Variants in ANKEF1 observed in about 807,000 individuals in gnomAD.
The protein encoded by ANKEF1 is ankyrin repeat and EF-hand domain-containing protein 1.
ANKEF1 carries 43 observed loss-of-function variants against 65.1 expected under a neutral mutation model. The observed-to-expected ratio is 0.66, with a 90% CI of 0.52 to 0.85. The LOEUF (loss-of-function observed/expected upper bound fraction) is 0.85, where lower values mean the gene tolerates loss of function less well. Ranked by LOEUF, ANKEF1 falls within the 40% of genes least tolerant of loss-of-function variation. ANKEF1 has a pLI of 0.00. For missense variants in ANKEF1, 934 were observed against 952.9 expected (o/e 0.98, Z 0.26); for synonymous variants, 316 against 341.5 (o/e 0.93, Z 0.82).
Position 10,056,477 on chromosome 20 carries a change from T to TAGATAGATGATA in ANKEF1, c.*817_*818insAGATAGATGATA, listed in dbSNP as rs1555773740. 3 of 134,552 alleles carry TAGATAGATGATA rather than the reference T, an allele frequency of 2.2e-5. No homozygotes were observed. Among genetic ancestry groups the TAGATAGATGATA allele is most frequent in the African/African-American group, 8.8e-5 (3 of 34,190 alleles). The allele number at this position is 134,552 out of a possible 1,614,324, so 8.3% of individuals were successfully genotyped here. A position where few individuals can be genotyped will look rare whatever the true frequency, so the allele number is the denominator to read the frequency against. On this transcript the variant is annotated 3_prime_UTR_variant, in exon 11 of 11. Transcript: ENST00000378392. ...GATATATAGATGATAGATAGATAGA[T>TAGATAGATGATA]GATAGATAGATAGATAGATGATAGA...
chr20:10,047,122 T>C (rs567376992), intron 6 of ANKEF1, among the ~76,000 whole-genome samples: 73 of 152,346 alleles, frequency 4.8e-4, no homozygotes, highest in Non-Finnish European at 9.8e-4. Flanking sequence ...TTATTTCTTA[T>C]TGGGACAAAT....
rs538860183 is a variant in ANKEF1, at chr20:10,056,018, A to G, written c.*358A>G. On this transcript the variant is annotated 3_prime_UTR_variant, in exon 11 of 11. Transcript: ENST00000378392. ...TATTAAATAGAGACAGAGTCTCACT[A>G]TATTGCCCCAGCTGGTCTCGAACTC... 4.6e-4 allele frequency: 78 copies of G among 170,220 alleles called. 1 individual carries two copies. In the South Asian group the frequency reaches 0.01, roughly 23 times the overall value. The allele number at this position is 170,220 out of a possible 1,614,324, so 10.5% of individuals were successfully genotyped here.
chr20:10,039,940 A>C (rs1211308312), intron 3 of ANKEF1, among the ~76,000 whole-genome samples: 3 of 152,198 alleles, frequency 2.0e-5, no homozygotes, highest in African/African-American at 7.2e-5. Context: ...ACTGAGTTTG[A>C]AACAGATACA....
chr20:10,042,794 G>A (rs641648), intron 3 of ANKEF1, among the ~76,000 whole-genome samples: 68,613 of 151,984 alleles, frequency 0.45, 16,519 homozygotes, highest in African/African-American at 0.58. Context: ...ACACATAGCT[G>A]TAGCCCTTCA....
At chr20:10,047,069 C>A (rs139095213) in intron 6 of ANKEF1, among the ~76,000 whole-genome samples, 8 of 152,262 alleles carry the variant, frequency 5.3e-5, no homozygotes, top group African/African-American at 1.9e-4. Flanking sequence ...AACTAAAGAT[C>A]CACTCAAGTT....
rs1984876275 is a variant in ANKEF1 at position 10,051,836 on chromosome 20, C to T, written c.1817C>T (p.Thr606Ile). 1 of 1,613,310 alleles carries T rather than the reference C, an allele frequency of 6.2e-7. No individual in the cohort carries two copies. Among genetic ancestry groups the T allele is most frequent in the East Asian group, 2.2e-5 (1 of 44,844 alleles). Residue 606 changes from threonine (T) to isoleucine (I), a missense_variant, in exon 8 of 11, where the codon ACA becomes ATA. Transcript: ENST00000378392. ...NRAIESCRLDTVKYLLDIGAK... is the reference protein window; with the variant it reads ...NRAIESCRLDIVKYLLDIGAK... ...GCCATTGAAAGCTGCAGACTGGATA[C>T]AGTAAAATACCTACTTGATATTGGT...
rs201768005 is a variant in ANKEF1, at chr20:10,054,595, G to C, written c.2168G>C (p.Arg723Pro). The C allele has an allele frequency of 1.2e-6, 2 of 1,605,540 alleles. No homozygotes were observed. Among genetic ancestry groups the C allele is most frequent in the Middle Eastern group, 1.7e-4 (1 of 6,036 alleles). The change falls in exon 10 of 11, where the codon CGG (arginine) becomes CCG (proline). Residue 723 changes from arginine to proline, a missense_variant. Arg to Pro is a moderately radical substitution (Grantham distance 103). Transcript: ENST00000378392. Reference sequence around the variant, plus strand: ...AAAGTGGATATCACATTTATTCCACGGAGGGTAAGTGCTTCGAAAAGATCT... The same window carrying C: ...AAAGTGGATATCACATTTATTCCACCGAGGGTAAGTGCTTCGAAAAGATCT... ...TKKVDITFIP[R>P]RIWSPEATTA...
At chr20:10,040,551 A>C (rs1182717787) in intron 3 of ANKEF1, 2 of 152,226 alleles carry the variant, frequency 1.3e-5, no homozygotes, top group Non-Finnish European at 1.5e-5. Context: ...ATGTGGAATC[A>C]TTCTCCTTAA....
At chr20:10,037,402 G>A (rs1983924804) in intron 2 of ANKEF1, among the ~76,000 whole-genome samples, 1 of 152,110 alleles carries the variant, frequency 6.6e-6, no homozygotes, top group Admixed American at 6.6e-5. Context: ...TCATAGTTCT[G>A]GATGATGGGC....
intron 3 of ANKEF1, among the ~76,000 whole-genome samples, chr20:10,040,888 T>C (rs1984145656): frequency 6.6e-6 from 1 of 152,170 alleles, no homozygotes; most frequent in Admixed American, 6.5e-5. Flanking sequence ...GTTGTTTTGC[T>C]CTGTTCCTGC....
chr20:10,055,752 C>A lies in ANKEF1; in HGVS notation c.*92C>A, dbSNP rs1985115620. ...TATTTCCATCAAAGCCAAAGCAATCCATACACCAAGAACTTGTTACCAAGA... is the reference window on the plus strand; with the variant it reads ...TATTTCCATCAAAGCCAAAGCAATCAATACACCAAGAACTTGTTACCAAGA... On this transcript the variant is annotated 3_prime_UTR_variant, in exon 11 of 11. Coordinates refer to ENST00000378392, the MANE Select transcript of ANKEF1 (RefSeq NM_022096.6). The A allele has an allele frequency of 1.5e-6, 2 of 1,319,644 alleles. No individual in the cohort carries two copies. Among genetic ancestry groups the A allele is most frequent in the Non-Finnish European group, 2.1e-6 (2 of 934,648 alleles). 81.7% of individuals were successfully genotyped at this position (1,319,644 alleles called of 1,614,324 possible).
At chr20:10,045,147 A>G (rs1600515605) in intron 5 of ANKEF1, among the ~76,000 whole-genome samples, 1 of 152,362 alleles carries the variant, frequency 6.6e-6, no homozygotes, top group South Asian at 2.1e-4. Context: ...CAATAAAAGT[A>G]TACACAAAGA....
chr20:10,050,617 G>C (rs1473951810), intron 7 of ANKEF1, among the ~76,000 whole-genome samples: 2 of 152,014 alleles, frequency 1.3e-5, no homozygotes, highest in Non-Finnish European at 2.9e-5. Context: ...TGGGAGCATA[G>C]GATTGTGTGT....
At chr20:10,054,220 G>A (rs1010132272) in intron 9 of ANKEF1, among the ~76,000 whole-genome samples, 9 of 152,078 alleles carry the variant, frequency 5.9e-5, no homozygotes, top group South Asian at 2.1e-4. Flanking sequence ...ACAGATCAAG[G>A]ATGGGTATCT....
chr20:10,049,874 C>T lies in ANKEF1; in HGVS notation c.1305C>T (p.Ile435=). The T allele has an allele frequency of 6.2e-7, 1 of 1,614,210 alleles. No individual in the cohort carries two copies. Among genetic ancestry groups the T allele is most frequent in the South Asian group, 1.1e-5 (1 of 91,086 alleles). The change falls in exon 7 of 11, where the codon ATC becomes ATT. Residue 435 remains isoleucine, a synonymous_variant. Transcript: ENST00000378392. ...GGAAATTTGTCTTACCCCTTCCAAT[C>T]TGTGTCATTCCTGAGTACGCGTTTC... ...KKGKFVLPLP[I]CVIPEYAFPR...
At position 10,038,288 on chromosome 20, in the gene ANKEF1, G is replaced by A; in HGVS notation, c.-14G>A. On this transcript the variant is annotated 5_prime_UTR_variant, in exon 3 of 11. Coordinates refer to ENST00000378392, the MANE Select transcript of ANKEF1 (RefSeq NM_022096.6). ...GTTTTGGTCCAGAAAGCATTTTCAA[G>A]GAGCTGGTCAAGCATGGCTTTAGCA... 2 of 1,424,386 alleles carry A rather than the reference G, an allele frequency of 1.4e-6. No homozygotes were observed. Among genetic ancestry groups the A allele is most frequent in the Non-Finnish European group, 1.9e-6 (2 of 1,078,776 alleles). The allele number at this position is 1,424,386 out of a possible 1,614,324, so 88.2% of individuals were successfully genotyped here.
In ANKEF1 at chr20:10,043,113, T is replaced by G. The variant is rs369966784; in HGVS notation, c.347-9T>G. ...TTAAATACTCTCTGGGGATTTTATT[T>G]CTCTGCAGGTGTTTTGTTTTACTGC... On this transcript the variant is annotated splice_polypyrimidine_tract_variant and intron_variant, in intron 3 of 10. Coordinates refer to ENST00000378392, the MANE Select transcript of ANKEF1 (RefSeq NM_022096.6). 2 of 1,613,128 alleles carry G rather than the reference T, an allele frequency of 1.2e-6. No individual in the cohort carries two copies. The highest frequency in any genetic ancestry group is 3.3e-5 in the Admixed American group (2 of 59,888).
At position 10,038,489 on chromosome 20, in the gene ANKEF1, T is replaced by A; in HGVS notation, c.188T>A (p.Met63Lys). ...GCCTCAGTTTCCAATGATATTGATA[T>A]GGTCAGCTTTCTCCTTGACCTTGGT... ...HLASVSNDID[M>K]VSFLLDLGAH... Residue 63 changes from methionine (M) to lysine (K), a missense_variant, in exon 3 of 11, where the codon ATG becomes AAG. By Grantham distance (95) the Met-to-Lys change is moderately conservative. Coordinates refer to ENST00000378392, the MANE Select transcript of ANKEF1 (RefSeq NM_022096.6). The A allele has an allele frequency of 6.2e-7, 1 of 1,614,230 alleles. No individual in the cohort carries two copies. The highest frequency in any genetic ancestry group is 8.5e-7 in the Non-Finnish European group (1 of 1,180,030).
chr20:10,038,142 T>A, intron 2 of ANKEF1, 116 bp from the exon 3 acceptor site: 1 of 494,182 alleles, frequency 2.0e-6, no homozygotes, highest in Non-Finnish European at 3.6e-6. Context: ...TCCTACTTTC[T>A]GAACATTTCT....
Sources: gnomAD v4.1 joint callset for allele counts (sites outside exome capture counted in the v4.1 genomes callset) on GRCh38, gnomAD v4.1.1 for gene constraint, MANE v1.5 for transcripts, NCBI Gene and HGNC (gene_info 2026-07-23, HGNC 2026-07-21) for gene names.